ADORA1: variants seen among roughly 807,000 people sequenced by gnomAD.
The protein encoded by ADORA1 is adenosine A1 receptor, also known as adenosine receptor A1.
In ADORA1, 6 loss-of-function variants were observed where a neutral mutation model predicts 19.9. The observed-to-expected ratio is 0.30, with a 90% CI of 0.17 to 0.59. The LOEUF (loss-of-function observed/expected upper bound fraction) is 0.59, where lower values mean the gene tolerates loss of function less well. Among genes scored for constraint, ADORA1 ranks in the 20% least tolerant of loss-of-function variants. The pLI is 0.87. For synonymous variants in ADORA1, 194 were observed against 188.4 expected (o/e 1.03, Z -0.24); for missense variants, 302 against 439.2 (o/e 0.69, Z 2.79).
intron 3 of ADORA1, among the ~76,000 whole-genome samples, chr1:203,156,454 G>A (rs566380980): frequency 7.9e-5 from 12 of 152,278 alleles, no homozygotes; most frequent in Admixed American, 5.2e-4. Context: ...GTAGGAGAGT[G>A]CCCCAGGTAT....
chr1:203,133,579 A>G (rs1654411880), intron 3 of ADORA1, among the ~76,000 whole-genome samples: 1 of 152,234 alleles, frequency 6.6e-6, no homozygotes, highest in Non-Finnish European at 1.5e-5. Context: ...AAGAAGCTGT[A>G]GGATTTTTGG....
intron 3 of ADORA1, among the ~76,000 whole-genome samples, chr1:203,133,560 CGTCAGCCCAAGAAGCT>C (rs1321300930): frequency 1.3e-5 from 2 of 152,240 alleles, no homozygotes; most frequent in Non-Finnish European, 2.9e-5. Flanking sequence ...GTGTATCTTG[CGTCAGCCCAAGAAGCT>C]GTAGGATTTT....
chr1:203,138,904 C>T (rs1209083565), intron 3 of ADORA1, among the ~76,000 whole-genome samples: 3 of 152,056 alleles, frequency 2.0e-5, no homozygotes, highest in African/African-American at 7.2e-5. Context: ...CTGCAGCCTC[C>T]GCCTCCCGGG....
chr1:203,161,735 C>A (rs558988652), intron 3 of ADORA1, among the ~76,000 whole-genome samples: 45 of 152,204 alleles, frequency 3.0e-4, no homozygotes, highest in African/African-American at 1.0e-3. Context: ...CCACGCCTGA[C>A]TAATTTTGTA....
chr1:203,153,912 G>C (rs1355302886), intron 3 of ADORA1, among the ~76,000 whole-genome samples: 4 of 152,180 alleles, frequency 2.6e-5, no homozygotes, highest in South Asian at 2.1e-4. Flanking sequence ...TCCTTGATAA[G>C]AGAGGAGGCG....
At chr1:203,141,823 T>G (rs1430246571) in intron 3 of ADORA1, among the ~76,000 whole-genome samples, 2 of 152,128 alleles carry the variant, frequency 1.3e-5, no homozygotes, top group African/African-American at 4.8e-5. Flanking sequence ...CCTCAAGCGA[T>G]CCATCTGCCT....
At chr1:203,145,317 G>A (rs980291051) in intron 3 of ADORA1, among the ~76,000 whole-genome samples, 2 of 152,258 alleles carry the variant, frequency 1.3e-5, no homozygotes, top group Admixed American at 1.3e-4. Context: ...GGGGAGACTT[G>A]GGGCTGGGAA....
intron 3 of ADORA1, among the ~76,000 whole-genome samples, chr1:203,145,462 G>A (rs1243765766): frequency 6.6e-6 from 1 of 152,230 alleles, no homozygotes; most frequent in Non-Finnish European, 1.5e-5. Flanking sequence ...AGGCAGGTCC[G>A]GCCGCCTGTA....
chr1:203,151,473 TTTTG>T (rs1291836313), intron 3 of ADORA1, among the ~76,000 whole-genome samples: 3 of 152,244 alleles, frequency 2.0e-5, no homozygotes, highest in Non-Finnish European at 4.4e-5. Context: ...AGAAGTAATT[TTTTG>T]TTTATCTATG....
intron 3 of ADORA1, among the ~76,000 whole-genome samples, chr1:203,141,572 A>ATTT (rs56188119): frequency 0.048 from 3,525 of 73,556 alleles, 758 homozygotes; most frequent in South Asian, 0.15. Context: ...TCTAACCTGG[A>ATTT]TTTTTTTTTT....
At position 203,167,243 on chromosome 1, in the gene ADORA1, C is replaced by G. The variant is rs1655589783; in HGVS notation, c.*1343C>G. 6.6e-6 allele frequency: 1 copy of G among 151,662 alleles called. No homozygotes were observed. The highest frequency in any genetic ancestry group is 1.5e-5 in the Non-Finnish European group (1 of 68,082). 9.4% of individuals were successfully genotyped at this position (151,662 alleles called of 1,614,324 possible). ...GGGCGAGGCGGGGGATCCTGGAGCC[C>G]CTGTGTCGGGGGGCGAGGGAGGGGA... On this transcript the variant is annotated 3_prime_UTR_variant, in exon 4 of 4. Transcript: ENST00000337894.
intron 3 of ADORA1, among the ~76,000 whole-genome samples, chr1:203,135,362 T>C (rs1266259451): frequency 2.0e-5 from 3 of 152,156 alleles, no homozygotes; most frequent in Non-Finnish European, 4.4e-5. Flanking sequence ...CTTAATCTAT[T>C]AAAATAAAAG....
At chr1:203,145,921 C>T (rs569960123) in intron 3 of ADORA1, among the ~76,000 whole-genome samples, 8 of 152,126 alleles carry the variant, frequency 5.3e-5, no homozygotes, top group Admixed American at 5.2e-4. Context: ...CTTGGGGAAG[C>T]GGCTGTGGCA....
At chr1:203,147,937 C>A (rs1374265467) in intron 3 of ADORA1, among the ~76,000 whole-genome samples, 1 of 152,154 alleles carries the variant, frequency 6.6e-6, no homozygotes, top group Non-Finnish European at 1.5e-5. Context: ...AATAAGCAAA[C>A]AAAAGGCATG....
chr1:203,128,324 C>A lies in ADORA1; in HGVS notation c.-166C>A. On this transcript the variant is annotated 5_prime_UTR_variant, in exon 2 of 4. Transcript: ENST00000337894. The surrounding 1 kb of genome is among the most constrained non-coding windows in gnomAD (Gnocchi z 5.9). ...CGGGAGCCGGAGGACTATGAGCTGCCGCGCGTTGTCCAGAGCCCAGCCCAG... is the reference window on the plus strand; with the variant it reads ...CGGGAGCCGGAGGACTATGAGCTGCAGCGCGTTGTCCAGAGCCCAGCCCAG... 4 of 1,287,502 alleles carry A rather than the reference C, an allele frequency of 3.1e-6. No individual in the cohort carries two copies. Among genetic ancestry groups the A allele is most frequent in the Non-Finnish European group, 4.1e-6 (4 of 987,400 alleles). The allele number at this position is 1,287,502 out of a possible 1,614,324, so 79.8% of individuals were successfully genotyped here.
chr1:203,143,559 T>G (rs3766561), intron 3 of ADORA1, among the ~76,000 whole-genome samples: 16,118 of 150,852 alleles, frequency 0.11, 1,338 homozygotes, highest in East Asian at 0.43. Context: ...GTGTGTGTGT[T>G]TGTGTGTGCA....
intron 3 of ADORA1, among the ~76,000 whole-genome samples, chr1:203,155,034 A>ATTC (rs1360533162): frequency 6.9e-6 from 1 of 145,610 alleles, no homozygotes; most frequent in African/African-American, 2.6e-5. Flanking sequence ...TATTATTATT[A>ATTC]TTATTATTAT....
chr1:203,152,083 C>T (rs1211926279), intron 3 of ADORA1, among the ~76,000 whole-genome samples: 1 of 152,218 alleles, frequency 6.6e-6, no homozygotes, highest in African/African-American at 2.4e-5. Flanking sequence ...GGAACCGTGA[C>T]CTGCTAGAGC....
At chr1:203,139,859 A>C (rs1021087214) in intron 3 of ADORA1, among the ~76,000 whole-genome samples, 4 of 152,176 alleles carry the variant, frequency 2.6e-5, no homozygotes, top group Non-Finnish European at 2.9e-5. Flanking sequence ...CCAAAACCCC[A>C]CGTCGATGTC....
Sources: allele counts gnomAD v4.1 joint callset (sites outside exome capture counted in the v4.1 genomes callset), GRCh38; gene constraint gnomAD v4.1.1; non-coding constraint Gnocchi (gnomAD v3.1); transcripts MANE v1.5; gene names NCBI Gene and HGNC (gene_info 2026-07-23, HGNC 2026-07-21).